The following LTF variants were observed in gnomAD, a reference collection of about 807,000 sequenced individuals.
LTF encodes epididymis luminal protein 110.
Under a neutral mutation model 87.2 loss-of-function variants are expected in LTF, and 91 were observed. That is an observed-to-expected ratio of 1.04 (90% CI 0.88 to 1.24). LTF has a LOEUF of 1.24. Ranked by LOEUF, LTF falls within the 50% of genes most tolerant of loss-of-function variation. LTF has a pLI of 0.00. For missense variants in LTF, 901 were observed against 904.3 expected (o/e 1.00, Z 0.05); for synonymous variants, 378 against 356.1 (o/e 1.06, Z -0.69).
At chr3:46,446,625 G>A (rs986355651) in intron 10 of LTF, 132 bp from the exon 11 acceptor site, 9 of 673,674 alleles carry the variant, frequency 1.3e-5, no homozygotes, top group East Asian at 5.3e-5. Context: ...GGAGAAATGC[G>A]TCTATATGTT....
chr3:46,439,233 G>C, intron 15 of LTF, 63 bp downstream of exon 15: 6 of 1,491,462 alleles, frequency 4.0e-6, no homozygotes, highest in Non-Finnish European at 5.4e-6. Context: ...CTAGCTCTGT[G>C]ATCTCCTCAC....
chr3:46,439,259 A>G (rs1285086610), intron 15 of LTF, 37 bp downstream of exon 15: 3 of 1,564,812 alleles, frequency 1.9e-6, no homozygotes, highest in Non-Finnish European at 1.7e-6. Context: ...ATGAGCCCAC[A>G]CAGCTAAGAA....
rs564177995 is a variant in LTF, at chr3:46,436,072, C to A, written c.*123G>T. ...TAAGACGACAGCAGGGAATTGTAAGCAGATGGATGGGCAATCCCCACCTTC... is the reference window on the plus strand; with the variant it reads ...TAAGACGACAGCAGGGAATTGTAAGAAGATGGATGGGCAATCCCCACCTTC... On this transcript the variant is annotated 3_prime_UTR_variant, in exon 17 of 17. Coordinates refer to ENST00000231751, the MANE Select transcript of LTF (RefSeq NM_002343.6). 3 of 869,908 alleles carry A rather than the reference C, an allele frequency of 3.4e-6. No homozygotes were observed. The highest frequency in any genetic ancestry group is 3.4e-5 in the African/African-American group (2 of 59,472). 53.9% of individuals were successfully genotyped at this position (869,908 alleles called of 1,614,324 possible).
rs1702872511 is a variant in LTF, at chr3:46,454,309, C to G, written c.699G>C (p.Val233=). 9 of 1,614,036 alleles carry G rather than the reference C, an allele frequency of 5.6e-6. No homozygotes were observed. Among genetic ancestry groups the G allele is most frequent in the African/African-American group, 1.3e-5 (1 of 74,922 alleles). ...GGCTCATTACCCTGCTCTTACCAAA[C>G]ACTGTGCTCTCTCTGATAAAAGCCA... ...GDVAFIREST[V]FEDLSDEAER... is the part of the protein sequence containing the mutation. The change falls in exon 6 of 17, where the codon GTG becomes GTC. Residue 233 remains valine (V), a synonymous_variant. Coordinates refer to ENST00000231751, the MANE Select transcript of LTF (RefSeq NM_002343.6).
At chr3:46,448,323 C>T (rs1437342966) in intron 9 of LTF, among the ~76,000 whole-genome samples, 3 of 151,680 alleles carry the variant, frequency 2.0e-5, no homozygotes, top group Non-Finnish European at 4.4e-5. Flanking sequence ...GATGTGGTCG[C>T]ACCACTGCAC....
At position 46,482,625 on chromosome 3, in the gene LTF, A is replaced by AAAGAAAG. The variant is rs754673598; in HGVS notation, c.-320+2354_-320+2360dup. Among the ~76,000 whole-genome samples, 507 of 65,122 alleles carry AAAGAAAG rather than the reference A, an allele frequency of 7.8e-3. 44 individuals are homozygous for AAAGAAAG. The highest frequency in any genetic ancestry group is 0.014 in the South Asian group (17 of 1,250). The allele number at this position is 65,122 out of a possible 152,430, so 42.7% of individuals were successfully genotyped here. On this transcript the variant is annotated intron_variant, in intron 1 of 19. Transcript: ENST00000443496. ...AGAAAGAAAGAAGAAAGAAAGAAAG[A>AAAGAAAG]AAGAAAGAAAGAAAGAAAGAAAGAA...
intron 13 of LTF, chr3:46,441,752 A>G: frequency 2.7e-6 from 1 of 370,874 alleles, no homozygotes. Context: ...AGTAAGACAA[A>G]GGAAAGCACC....
intron 1 of LTF, among the ~76,000 whole-genome samples, chr3:46,482,776 AGAAAAAG>A (rs1259496845): frequency 7.1e-6 from 1 of 140,794 alleles, no homozygotes; most frequent in East Asian, 2.5e-4. Flanking sequence ...AAAGAAAGAA[AGAAAAAG>A]AAAGAAAGAA....
chr3:46,445,163 G>T (rs1258665414), intron 12 of LTF, 118 bp downstream of exon 12: 2 of 1,052,992 alleles, frequency 1.9e-6, no homozygotes, highest in Non-Finnish European at 2.7e-6. Flanking sequence ...TATGCTGGAA[G>T]AGGCCTGCAG....
intron 1 of LTF, chr3:46,463,366 G>A (rs1319700893): frequency 1.3e-5 from 10 of 741,614 alleles, no homozygotes; most frequent in Non-Finnish European, 1.6e-5. Flanking sequence ...GTGCCTCCCA[G>A]CCCATGGCTC....
exon 1 of LTF, chr3:46,485,073 G>GTTCCAGGGA (rs1703499841): frequency 6.6e-6 from 1 of 152,524 alleles, no homozygotes; most frequent in Non-Finnish European, 1.5e-5. Context: ...CCCAGCTGGA[G>GTTCCAGGGA]TTCCAGGGAT....
chr3:46,459,601 T>C, intron 2 of LTF, 55 bp downstream of exon 2: 2 of 1,358,472 alleles, frequency 1.5e-6, no homozygotes, highest in Non-Finnish European at 1.9e-6. Context: ...TCTTTTTCCA[T>C]TTCTCTCTCC....
At chr3:46,475,417 C>T (rs1419463806) in intron 1 of LTF, among the ~76,000 whole-genome samples, 1 of 152,022 alleles carries the variant, frequency 6.6e-6, no homozygotes, top group Non-Finnish European at 1.5e-5. Context: ...CCATGAGGCC[C>T]GTTTGTTAGC....
chr3:46,475,891 A>G (rs963197162), intron 1 of LTF, among the ~76,000 whole-genome samples: 4 of 152,128 alleles, frequency 2.6e-5, no homozygotes, highest in African/African-American at 9.7e-5. Context: ...TATAATTTCT[A>G]CACTACACCT....
rs576805375 is a variant in LTF, at chr3:46,471,198, C to T, written c.-319-732G>A. 2.0e-5 allele frequency among the ~76,000 whole-genome samples: 3 copies of T among 152,272 alleles called. No homozygotes were observed. In the East Asian group the frequency reaches 5.8e-4, roughly 29 times the overall value. On this transcript the variant is annotated intron_variant, in intron 1 of 19. Transcript: ENST00000443496. ...GCACACACTGCCCCCAGCTGCCTGC[C>T]TTTTCTAGAGTGTTCACAGTCTGGC... is the stretch of plus-strand genomic sequence containing the variant.
In LTF at chr3:46,445,329, T is replaced by C; in HGVS notation, c.1465A>G (p.Asn489Asp). 6.2e-7 allele frequency: 1 copy of C among 1,613,804 alleles called. No homozygotes were observed. The highest frequency in any genetic ancestry group is 2.2e-5 in the East Asian group (1 of 44,844). The stretch of plus-strand genomic sequence containing the variant: ...TTGAAGAGCAGGCCCATGGGGATAT[T>C]CCAGCCTGCAGTCCTGTCCACGGCG... ...HTAVDRTAGW[N>D]IPMGLLFNQT... The change falls in exon 12 of 17, where the codon AAT becomes GAT. Residue 489 changes from asparagine to aspartate, a missense_variant. Asn to Asp is a conservative substitution (Grantham distance 23, BLOSUM62 1). Coordinates refer to ENST00000231751, the MANE Select transcript of LTF (RefSeq NM_002343.6).
chr3:46,481,732 C>T (rs1309787132), intron 1 of LTF, among the ~76,000 whole-genome samples: 1 of 152,150 alleles, frequency 6.6e-6, no homozygotes, highest in Non-Finnish European at 1.5e-5. Flanking sequence ...GCCTGGGAGA[C>T]AGAGCAAGAC....
chr3:46,447,457 CTATA>C (rs541283145), intron 9 of LTF, 59 bp from the exon 10 acceptor site: 42 of 1,143,756 alleles, frequency 3.7e-5, no homozygotes, highest in Non-Finnish European at 5.3e-5. Context: ...TCCTGCCTGT[CTATA>C]TAGCTCTCTG....
In LTF at chr3:46,449,017, C is replaced by A; in HGVS notation, c.1058G>T (p.Ser353Ile). Residue 353 changes from serine (S) to isoleucine (I), a missense_variant and splice_region_variant, in exon 9 of 17, where the codon AGT becomes ATT. Transcript: ENST00000231751. ...YFTAIQNLRK[S>I]EEEVAARRAR... ...ACGCCGGGCAGCCACTTCCTCCTCA[C>A]CTGCCAGAGGGAAGACCGCAGGTGG... 6.2e-7 allele frequency: 1 copy of A among 1,605,986 alleles called. No homozygotes were observed. Among genetic ancestry groups the A allele is most frequent in the Non-Finnish European group, 8.5e-7 (1 of 1,176,868 alleles).
Sources: allele counts gnomAD v4.1 joint callset (sites outside exome capture counted in the v4.1 genomes callset), GRCh38; gene constraint gnomAD v4.1.1; transcripts MANE v1.5; gene names NCBI Gene and HGNC (gene_info 2026-07-23, HGNC 2026-07-21).